BTG4: variants seen among roughly 807,000 people sequenced by gnomAD.
The protein encoded by BTG4 is BTG anti-proliferation factor 4.
BTG4 carries 10 observed loss-of-function variants against 19.3 expected under a neutral mutation model. The observed-to-expected ratio is 0.52, with a 90% CI of 0.32 to 0.88. The LOEUF (loss-of-function observed/expected upper bound fraction) is 0.88, where lower values mean the gene tolerates loss of function less well. Ranked by LOEUF, BTG4 falls within the 40% of genes least tolerant of loss-of-function variation. The probability of loss-of-function intolerance (pLI) is 0.04; values close to 1 mark genes in which losing one functional copy is unlikely to be tolerated. For synonymous variants in BTG4, 91 were observed against 95.7 expected (o/e 0.95, Z 0.29); for missense variants, 238 against 281.9 (o/e 0.84, Z 1.11).
At chr11:111,447,193 A>C in the BTG4 span, among the ~76,000 whole-genome samples, 1 of 152,206 alleles carries the variant, frequency 6.6e-6, no homozygotes, top group African/African-American at 2.4e-5. Flanking sequence ...CACCTGCTGA[A>C]TGCTTTATCC....
At chr11:111,410,538 T>C in the BTG4 span, among the ~76,000 whole-genome samples, 24 of 152,158 alleles carry the variant, frequency 1.6e-4, no homozygotes, top group African/African-American at 5.6e-4. Flanking sequence ...TTGCTGTCTC[T>C]CCATGCACGG....
chr11:111,500,411 A>G (rs1031323906), intron 1 of BTG4, among the ~76,000 whole-genome samples: 2 of 152,210 alleles, frequency 1.3e-5, no homozygotes, highest in Middle Eastern at 3.2e-3. Flanking sequence ...AAAGCTCCAA[A>G]TAACAGCCAG....
the BTG4 span, among the ~76,000 whole-genome samples, chr11:111,426,570 T>C: frequency 6.6e-6 from 1 of 152,038 alleles, no homozygotes; most frequent in African/African-American, 2.4e-5. Context: ...CACCTTGGGC[T>C]CTCCTCTCAC....
the BTG4 span, among the ~76,000 whole-genome samples, chr11:111,393,039 G>A: frequency 3.3e-5 from 5 of 152,146 alleles, no homozygotes; most frequent in Admixed American, 6.5e-5. Context: ...ATGCCACAGA[G>A]TGATGACAGA....
In BTG4 at chr11:111,495,029, G is replaced by A; in HGVS notation, c.*106C>T. ...CATTGTGTACCCTAGTCCCTAATAT[G>A]GTCATTTTTTGTTTCATGGGCCTCT... On this transcript the variant is annotated 3_prime_UTR_variant, in exon 5 of 5. Transcript: ENST00000692032. 1.5e-6 allele frequency: 2 copies of A among 1,362,740 alleles called. No individual in the cohort carries two copies. Among genetic ancestry groups the A allele is most frequent in the Non-Finnish European group, 1.9e-6 (2 of 1,060,850 alleles). 84.4% of individuals were successfully genotyped at this position (1,362,740 alleles called of 1,614,324 possible). A position where few individuals can be genotyped will look rare whatever the true frequency, so the allele number is the denominator to read the frequency against.
the BTG4 span, among the ~76,000 whole-genome samples, chr11:111,395,081 T>C: frequency 6.6e-6 from 1 of 152,238 alleles, no homozygotes; most frequent in Non-Finnish European, 1.5e-5. Flanking sequence ...GAGAATTTTT[T>C]CCTGGAGCAG....
At chr11:111,464,624 C>G (rs755750348), downstream of BTG4, 1 of 152,216 alleles carries the variant, frequency 6.6e-6, no homozygotes, top group Non-Finnish European at 1.5e-5. Context: ...CATCTGGTCC[C>G]AAGCCCACAA....
At chr11:111,443,589 A>AG in the BTG4 span, among the ~76,000 whole-genome samples, 4 of 152,330 alleles carry the variant, frequency 2.6e-5, no homozygotes, top group Admixed American at 1.3e-4. Flanking sequence ...TTAAAAACAG[A>AG]GGGAAAAAAA....
chr11:111,444,500 A>G, the BTG4 span, among the ~76,000 whole-genome samples: 1 of 152,168 alleles, frequency 6.6e-6, no homozygotes, highest in African/African-American at 2.4e-5. Flanking sequence ...AATGGGTACC[A>G]AAACAAATAG....
the BTG4 span, among the ~76,000 whole-genome samples, chr11:111,402,468 C>A: frequency 1.1e-3 from 170 of 152,226 alleles, 1 homozygote; most frequent in Non-Finnish European, 1.8e-3. Context: ...GAACAAAATA[C>A]CAATATTCAA....
At chr11:111,505,293 G>T (rs1464083287) in intron 1 of BTG4, among the ~76,000 whole-genome samples, 1 of 151,646 alleles carries the variant, frequency 6.6e-6, no homozygotes, top group Non-Finnish European at 1.5e-5. Flanking sequence ...TACAGTATGG[G>T]GTTCTCTAAC....
the BTG4 span, among the ~76,000 whole-genome samples, chr11:111,399,631 G>T: frequency 4.6e-3 from 703 of 152,298 alleles, 6 homozygotes; most frequent in African/African-American, 0.015. Context: ...AGACCTACTT[G>T]CTTAGTCCCT....
intron 1 of BTG4, among the ~76,000 whole-genome samples, chr11:111,511,261 G>T (rs902894376): frequency 3.3e-5 from 5 of 152,208 alleles, no homozygotes; most frequent in Non-Finnish European, 4.4e-5. Context: ...TCACTATGGG[G>T]TGTACAGAAC....
downstream of BTG4, chr11:111,466,991 A>C (rs959070035): frequency 2.6e-5 from 4 of 152,702 alleles, no homozygotes; most frequent in African/African-American, 4.8e-5. Context: ...ATTCCCTAGG[A>C]TTAAGCACCT....
downstream of BTG4, among the ~76,000 whole-genome samples, chr11:111,466,528 GA>G (rs1297813995): frequency 1.3e-5 from 2 of 152,168 alleles, no homozygotes; most frequent in African/African-American, 2.4e-5. Flanking sequence ...CCTATTGACT[GA>G]AAATCATTTT....
At chr11:111,446,427 C>T in the BTG4 span, among the ~76,000 whole-genome samples, 1 of 152,232 alleles carries the variant, frequency 6.6e-6, no homozygotes, top group Non-Finnish European at 1.5e-5. Flanking sequence ...ATGAGGTCAG[C>T]CTTCACTGAG....
the BTG4 span, among the ~76,000 whole-genome samples, chr11:111,451,729 A>C: frequency 1.3e-5 from 2 of 152,090 alleles, no homozygotes; most frequent in Non-Finnish European, 2.9e-5. Context: ...GTGCCACTGC[A>C]CTCCAGCCTG....
intron 4 of BTG4, chr11:111,496,565 A>G (rs1264058376): frequency 1.3e-5 from 2 of 152,232 alleles, no homozygotes; most frequent in Non-Finnish European, 2.9e-5. Flanking sequence ...GATTAAGAGA[A>G]CATACAAACA....
chr11:111,385,060 C>T, the BTG4 span: 1 of 151,850 alleles, frequency 6.6e-6, no homozygotes, highest in Non-Finnish European at 1.5e-5. Context: ...AGGCAACTGC[C>T]ACTTTTGTTC....
Sources: allele counts gnomAD v4.1 joint callset (sites outside exome capture counted in the v4.1 genomes callset), GRCh38; gene constraint gnomAD v4.1.1; transcripts MANE v1.5; gene names NCBI Gene and HGNC (gene_info 2026-07-23, HGNC 2026-07-21).